The following ACSS3 variants were observed in gnomAD, a reference collection of about 807,000 sequenced individuals.
ACSS3 encodes acyl-CoA synthetase short-chain family member 3, mitochondrial.
A neutral mutation model predicts 84.2 loss-of-function variants in ACSS3; 64 were observed. The observed-to-expected ratio is 0.76, with a 90% CI of 0.62 to 0.94. The LOEUF (loss-of-function observed/expected upper bound fraction) is 0.94, where lower values mean the gene tolerates loss of function less well. ACSS3 is among the 40% of genes least tolerant of loss of function. The pLI is 0.00. For missense variants in ACSS3, 815 were observed against 867.6 expected, an observed-to-expected ratio of 0.94 and a Z score of 0.76; for synonymous variants, 317 against 310.1, an observed-to-expected ratio of 1.02 and a Z score of -0.23.
chr12:81,143,151 A>G lies in ACSS3; in HGVS notation c.825A>G (p.Glu275=), dbSNP rs772874643. 5.6e-6 allele frequency: 9 copies of G among 1,613,676 alleles called. No individual in the cohort carries two copies. The East Asian group carries it at 6.7e-5, about 12-fold the overall frequency. ...LAPGRDLDWD[E]EMAKAQSHDC... ...CCGGTCGTGACCTTGATTGGGATGAAGAGATGGCAAAAGCCCAGTCACATG... is the reference window on the plus strand; with the variant it reads ...CCGGTCGTGACCTTGATTGGGATGAGGAGATGGCAAAAGCCCAGTCACATG... The change falls in exon 5 of 16, where the codon GAA becomes GAG. Residue 275 remains glutamate (E), a synonymous_variant. Transcript: ENST00000548058.
At chr12:81,199,082 A>G (rs935412077) in intron 8 of ACSS3, among the ~76,000 whole-genome samples, 1 of 152,176 alleles carries the variant, frequency 6.6e-6, no homozygotes, top group Non-Finnish European at 1.5e-5. Flanking sequence ...AGATCAACTC[A>G]ATTGCTCTTT....
At position 81,259,118 on chromosome 12, in the gene ACSS3, G is replaced by T; in HGVS notation, c.*4196G>T. The T allele has an allele frequency of 5.4e-6, 1 of 186,664 alleles. No individual in the cohort carries two copies. Among genetic ancestry groups the T allele is most frequent in the South Asian group, 9.5e-5 (1 of 10,582 alleles). 11.6% of individuals were successfully genotyped at this position (186,664 alleles called of 1,614,324 possible). A position where few individuals can be genotyped will look rare whatever the true frequency, so the allele number is the denominator to read the frequency against. On this transcript the variant is annotated 3_prime_UTR_variant, in exon 16 of 16. Transcript: ENST00000548058. The stretch of plus-strand genomic sequence containing the variant: ...GGCAGGTTGTTCAGCTTTAAGTATT[G>T]ACAGACTTGAAGGAGAAACACGTTG...
At chr12:81,161,143 T>G (rs1169013437) in intron 7 of ACSS3, among the ~76,000 whole-genome samples, 1 of 152,254 alleles carries the variant, frequency 6.6e-6, no homozygotes, top group Non-Finnish European at 1.5e-5. Context: ...CTCACATTTC[T>G]TCTTTCAAAG....
Position 81,257,192 on chromosome 12 carries a change from C to CACTAGG in ACSS3, c.*2272_*2277dup, listed in dbSNP as rs2034332384. On this transcript the variant is annotated 3_prime_UTR_variant, in exon 16 of 16. Coordinates refer to ENST00000548058, the MANE Select transcript of ACSS3 (RefSeq NM_024560.4). Reference sequence around the variant, plus strand: ...CAGCAAGCAGACTTGGGTTATTTTCCACTAGGATGGGAATGGAAAACAGTG... The same window carrying CACTAGG: ...CAGCAAGCAGACTTGGGTTATTTTCCACTAGGACTAGGATGGGAATGGAAAACAGTG... 6.6e-6 allele frequency: 1 copy of CACTAGG among 151,954 alleles called. No homozygotes were observed. The highest frequency in any genetic ancestry group is 6.6e-5 in the Admixed American group (1 of 15,218). 9.4% of individuals were successfully genotyped at this position (151,954 alleles called of 1,614,324 possible). A position where few individuals can be genotyped will look rare whatever the true frequency, so the allele number is the denominator to read the frequency against.
Position 81,158,002 on chromosome 12 carries a change from G to A in ACSS3, c.1098+5906G>A, listed in dbSNP as rs1007313725. On this transcript the variant is annotated intron_variant, in intron 7 of 15. Coordinates refer to ENST00000548058, the MANE Select transcript of ACSS3 (RefSeq NM_024560.4). ...ATAACTAATAAGTGAGTTCAACCCA[G>A]TCTCAGGATACAAGATTAACATACA... Among the ~76,000 whole-genome samples the A allele has an allele frequency of 5.3e-5, 8 of 150,312 alleles. No individual in the cohort carries two copies. The South Asian group carries it at 1.3e-3, about 24-fold the overall frequency.
intron 9 of ACSS3, among the ~76,000 whole-genome samples, chr12:81,200,871 G>A (rs2032068039): frequency 1.4e-5 from 2 of 140,644 alleles, no homozygotes; most frequent in African/African-American, 2.7e-5. Context: ...TCCAGCCTGG[G>A]CAACAGAGCA....
Position 81,087,743 on chromosome 12 carries a change from G to C in ACSS3, c.311+9312G>C, listed in dbSNP as rs1448989969. 3.3e-5 allele frequency among the ~76,000 whole-genome samples: 5 copies of C among 152,096 alleles called. No individual in the cohort carries two copies. In the East Asian group the frequency reaches 9.7e-4, roughly 29 times the overall value. On this transcript the variant is annotated intron_variant, in intron 1 of 15. Coordinates refer to ENST00000548058, the MANE Select transcript of ACSS3 (RefSeq NM_024560.4). ...AATAAACCACAAATACCTAGACTGTGCCTTCCTCTAACTCTCCCTCCCAAC... is the reference window on the plus strand; with the variant it reads ...AATAAACCACAAATACCTAGACTGTCCCTTCCTCTAACTCTCCCTCCCAAC...
chr12:81,242,156 TA>T (rs2033828058), intron 13 of ACSS3, among the ~76,000 whole-genome samples: 1 of 151,670 alleles, frequency 6.6e-6, no homozygotes, highest in Non-Finnish European at 1.5e-5. Context: ...GTAGATGCAA[TA>T]AAAAATGATA....
chr12:81,205,379 G>T (rs1249496720), intron 9 of ACSS3, among the ~76,000 whole-genome samples: 2 of 152,088 alleles, frequency 1.3e-5, no homozygotes, highest in African/African-American at 4.8e-5. Flanking sequence ...AGTTGACGAG[G>T]TTGATCGAAT....
intron 8 of ACSS3, among the ~76,000 whole-genome samples, chr12:81,186,859 A>G (rs1389700327): frequency 6.6e-6 from 1 of 151,896 alleles, no homozygotes; most frequent in Non-Finnish European, 1.5e-5. Context: ...TCTTCTGGGT[A>G]TATACTCAAA....
chr12:81,207,396 T>C (rs1300869439), intron 9 of ACSS3, among the ~76,000 whole-genome samples: 1 of 152,132 alleles, frequency 6.6e-6, no homozygotes, highest in South Asian at 2.1e-4. Context: ...CAAGAAGTGA[T>C]GCAGAATCCA....
At chr12:81,210,287 G>A (rs1175241356) in intron 9 of ACSS3, among the ~76,000 whole-genome samples, 1 of 152,092 alleles carries the variant, frequency 6.6e-6, no homozygotes, top group Non-Finnish European at 1.5e-5. Flanking sequence ...TGATATTCCT[G>A]CCTATTAGGG....
chr12:81,083,638 G>A (rs1419073491), intron 1 of ACSS3, among the ~76,000 whole-genome samples: 1 of 151,894 alleles, frequency 6.6e-6, no homozygotes, highest in Non-Finnish European at 1.5e-5. Flanking sequence ...GGGATTACAG[G>A]CATGAGCCAC....
chr12:81,151,523 T>G, intron 5 of ACSS3: 1 of 197,468 alleles, frequency 5.1e-6, no homozygotes, highest in Admixed American at 5.7e-5. Flanking sequence ...TGTCTGAAAA[T>G]GTAGTGTTGA....
intron 11 of ACSS3, among the ~76,000 whole-genome samples, chr12:81,223,271 G>A (rs1358754232): frequency 2.0e-5 from 3 of 152,060 alleles, no homozygotes; most frequent in African/African-American, 7.2e-5. Context: ...ATGGTGGGGT[G>A]CAAGGGAGTT....
intron 11 of ACSS3, among the ~76,000 whole-genome samples, chr12:81,223,393 C>T (rs1460842534): frequency 6.6e-6 from 1 of 152,036 alleles, no homozygotes; most frequent in African/African-American, 2.4e-5. Flanking sequence ...ATGATTCAGT[C>T]ACTGCGTTGC....
chr12:81,235,448 CTTG>C (rs1409660614), intron 13 of ACSS3, among the ~76,000 whole-genome samples: 6 of 151,188 alleles, frequency 4.0e-5, no homozygotes, highest in Non-Finnish European at 8.9e-5. Flanking sequence ...CTTTCTTAGT[CTTG>C]TTGTAGCTAT....
chr12:81,086,723 TC>T (rs1266542813), intron 1 of ACSS3, among the ~76,000 whole-genome samples: 2 of 152,190 alleles, frequency 1.3e-5, no homozygotes, highest in Non-Finnish European at 1.5e-5. Context: ...TTGTTCTTCT[TC>T]TTCTTTTTAT....
At chr12:81,129,367 G>A (rs1474752926) in intron 2 of ACSS3, among the ~76,000 whole-genome samples, 1 of 152,138 alleles carries the variant, frequency 6.6e-6, no homozygotes, top group Admixed American at 6.6e-5. Context: ...AAATGCCCCT[G>A]GGAATAGTGA....
Sources: gnomAD v4.1 joint callset for allele counts (sites outside exome capture counted in the v4.1 genomes callset) on GRCh38, gnomAD v4.1.1 for gene constraint, MANE v1.5 for transcripts, NCBI Gene and HGNC (gene_info 2026-07-23, HGNC 2026-07-21) for gene names.